CFLAR: variants seen among roughly 807,000 people sequenced by gnomAD.
The protein encoded by CFLAR is CASP8 and FADD like apoptosis regulator, also known as CASP8 and FADD-like apoptosis regulator.
In CFLAR, 14 loss-of-function variants were observed where a neutral mutation model predicts 51.1. That is an observed-to-expected ratio of 0.27 (90% CI 0.18 to 0.43). The LOEUF is 0.43. Among genes scored for constraint, CFLAR ranks in the 20% least tolerant of loss-of-function variants. CFLAR has a pLI of 1.00. For missense variants in CFLAR, 390 were observed against 566.5 expected (o/e 0.69, Z 3.16); for synonymous variants, 210 against 211.6 (o/e 0.99, Z 0.06).
chr2:201,166,083 T>C lies in CFLAR; in HGVS notation c.*2110T>C. On this transcript the variant is annotated 3_prime_UTR_variant, in exon 10 of 10. Transcript: ENST00000309955. ...CATCGTCATCATGGCCTGTTCTCAA[T>C]GAGCTGTTGGGTACACCTCCCAGAC... 5.3e-6 allele frequency: 1 copy of C among 187,938 alleles called. No individual in the cohort carries two copies. Among genetic ancestry groups the C allele is most frequent in the Non-Finnish European group, 1.1e-5 (1 of 93,620 alleles). The allele number at this position is 187,938 out of a possible 1,614,324, so 11.6% of individuals were successfully genotyped here.
At position 201,135,962 on chromosome 2, in the gene CFLAR, G is replaced by T. The variant is rs754566160; in HGVS notation, c.388-10G>T. On this transcript the variant is annotated splice_polypyrimidine_tract_variant and intron_variant, in intron 3 of 9. Coordinates refer to ENST00000309955, the MANE Select transcript of CFLAR (RefSeq NM_003879.7). Reference sequence around the variant, plus strand: ...TATTGACATTTGTTTTTTGTTGGTGGTTCTCTTAGAGTTTCTTGGACCTTG... The same window carrying T: ...TATTGACATTTGTTTTTTGTTGGTGTTTCTCTTAGAGTTTCTTGGACCTTG... The T allele has an allele frequency of 6.2e-7, 1 of 1,603,190 alleles. No individual in the cohort carries two copies. The highest frequency in any genetic ancestry group is 8.5e-7 in the Non-Finnish European group (1 of 1,176,484).
chr2:201,152,592 C>T (rs899483556), intron 8 of CFLAR, among the ~76,000 whole-genome samples: 6 of 152,192 alleles, frequency 3.9e-5, no homozygotes, highest in African/African-American at 1.2e-4. Flanking sequence ...AGAGTCTGAT[C>T]TCAGACAAGT....
intron 8 of CFLAR, among the ~76,000 whole-genome samples, chr2:201,151,827 G>T (rs73045341): frequency 0.19 from 29,498 of 151,882 alleles, 3,294 homozygotes; most frequent in African/African-American, 0.3. Flanking sequence ...TGGGCCTCTT[G>T]GGGGCGGGGG....
At chr2:201,127,545 A>C (rs1231871353) in intron 1 of CFLAR, among the ~76,000 whole-genome samples, 1 of 152,048 alleles carries the variant, frequency 6.6e-6, no homozygotes, top group African/African-American at 2.4e-5. Flanking sequence ...TTTTATGTTA[A>C]TTTCTTGGCT....
chr2:201,117,723 CA>C lies in CFLAR; in HGVS notation c.-138+1248del, dbSNP rs903370481. Among the ~76,000 whole-genome samples, 6 of 137,266 alleles carry C rather than the reference CA, an allele frequency of 4.4e-5. No individual in the cohort carries two copies. The Admixed American group carries it at 4.4e-4, about 10-fold the overall frequency. 90.1% of individuals were successfully genotyped at this position (137,266 alleles called of 152,430 possible). On this transcript the variant is annotated intron_variant, in intron 1 of 9. Transcript: ENST00000309955. ...ATAACCTTACAAAAGTTTCGTTGAA[CA>C]AAAAACCTGGCTGGAGCTCCAAGAT...
intron 8 of CFLAR, among the ~76,000 whole-genome samples, chr2:201,155,144 A>T (rs1941940772): frequency 6.6e-6 from 1 of 152,218 alleles, no homozygotes; most frequent in Non-Finnish European, 1.5e-5. Context: ...TCTTGTTAGG[A>T]ATATAGAAGC....
In CFLAR at chr2:201,145,422, T is replaced by G. The variant is rs1030795286; in HGVS notation, c.651T>G (p.Leu217=). ...RSKEQRLKEQ[L]GAQQEPVKKS... is the part of the protein sequence containing the mutation. ...AAGAACAAAGACTTAAGGAACAGCT[T>G]GGCGCTCAACGTAAGACCACCTTTT... Residue 217 remains leucine (L), a synonymous_variant, in exon 6 of 10, where the codon CTT becomes CTG. Transcript: ENST00000309955. 1 of 1,605,598 alleles carries G rather than the reference T, an allele frequency of 6.2e-7. No homozygotes were observed. The highest frequency in any genetic ancestry group is 8.5e-7 in the Non-Finnish European group (1 of 1,172,922).
intron 2 of CFLAR, among the ~76,000 whole-genome samples, chr2:201,132,104 A>G (rs1472607394): frequency 6.6e-6 from 1 of 152,148 alleles, no homozygotes; most frequent in Admixed American, 6.6e-5. Context: ...TTCAGTGAAT[A>G]GGGCAATCTC....
At chr2:201,119,092 A>G (rs964931830) in intron 1 of CFLAR, 1 of 152,328 alleles carries the variant, frequency 6.6e-6, no homozygotes, top group African/African-American at 2.4e-5. Flanking sequence ...AATACCAGGA[A>G]TGGACTCTGG....
intron 5 of CFLAR, 122 bp from the exon 6 acceptor site, chr2:201,145,239 AGATAATTTAACTGTTGG>A: frequency 1.8e-6 from 1 of 550,222 alleles, no homozygotes; most frequent in Non-Finnish European, 3.3e-6. Flanking sequence ...GCTATTCTTT[AGATAATTTAACTGTTGG>A]GACGATATTT....
intron 4 of CFLAR, chr2:201,137,851 CTG>C: frequency 1.1e-6 from 1 of 938,998 alleles, no homozygotes. Flanking sequence ...TGCATTCCGT[CTG>C]AGAAGAAGCA....
At chr2:201,158,814 C>A (rs1375526999) in intron 8 of CFLAR, among the ~76,000 whole-genome samples, 2 of 151,556 alleles carry the variant, frequency 1.3e-5, no homozygotes, top group African/African-American at 4.8e-5. Context: ...GTCCTGATAA[C>A]AGCTACCCAG....
At chr2:201,149,463 A>T (rs1310024201) in intron 7 of CFLAR, 1 of 303,400 alleles carries the variant, frequency 3.3e-6, no homozygotes, top group Non-Finnish European at 6.2e-6. Flanking sequence ...CAAATCACTC[A>T]TGTTTTCTCT....
intron 5 of CFLAR, chr2:201,141,384 C>A: frequency 6.4e-7 from 1 of 1,558,634 alleles, no homozygotes; most frequent in South Asian, 1.2e-5. Context: ...ATGATAACAC[C>A]CTATGCCCAT....
Position 201,139,171 on chromosome 2 carries a change from C to T in CFLAR, c.524-1186C>T, listed in dbSNP as rs187033874. 1,003 of 374,988 alleles carry T rather than the reference C, an allele frequency of 2.7e-3. 3 individuals are homozygous for T. Among genetic ancestry groups the T allele is most frequent in the Admixed American group, 5.6e-3 (150 of 26,762 alleles). The allele number at this position is 374,988 out of a possible 1,614,324, so 23.2% of individuals were successfully genotyped here. On this transcript the variant is annotated intron_variant, in intron 4 of 9. Transcript: ENST00000309955. ...CTCCCTGAAACATGTGCTATGTCAA[C>T]TCAGGGTTAAGTGGATTAAGGGCTG...
In CFLAR at chr2:201,166,031, T is replaced by A. The variant is rs1436923952; in HGVS notation, c.*2058T>A. ...GATTTCTCTATCTTTTCCCCACCTT[T>A]CCCCCTTTTCTATTCCACAAAACCG... On this transcript the variant is annotated 3_prime_UTR_variant, in exon 10 of 10. Transcript: ENST00000309955. The A allele has an allele frequency of 5.1e-6, 1 of 195,046 alleles. No homozygotes were observed. The highest frequency in any genetic ancestry group is 1.0e-5 in the Non-Finnish European group (1 of 98,460). The allele number at this position is 195,046 out of a possible 1,614,324, so 12.1% of individuals were successfully genotyped here.
At position 201,149,745 on chromosome 2, in the gene CFLAR, C is replaced by T. The variant is rs143425868; in HGVS notation, c.712-9C>T. On this transcript the variant is annotated splice_polypyrimidine_tract_variant and intron_variant, in intron 7 of 9. Coordinates refer to ENST00000309955, the MANE Select transcript of CFLAR (RefSeq NM_003879.7). ...CAGAGTCTTTAGCATTTCTTGTCTT[C>T]CTTTCCAGAGCATACCTGAAGAGAG... 1.4e-5 allele frequency: 23 copies of T among 1,606,606 alleles called. No homozygotes were observed. The East Asian group carries it at 5.1e-4, about 36-fold the overall frequency.
chr2:201,160,846 G>T lies in CFLAR; in HGVS notation c.1208G>T (p.Trp403Leu), dbSNP rs776173838. The change falls in exon 9 of 10, where the codon TGG (tryptophan) becomes TTG (leucine). Residue 403 changes from tryptophan (W) to leucine (L), a missense_variant. This residue lies in a region of CFLAR where 287 missense variants were observed against 363.6 expected (regional missense o/e 0.79). Transcript: ENST00000309955. The part of the protein sequence containing the change: ...CTVHREADFF[W>L]SLCTADMSLL... Reference sequence around the variant, plus strand: ...GTTCACCGAGAAGCTGACTTCTTCTGGAGCCTGTGTACTGCGGACATGTCC... The same window carrying T: ...GTTCACCGAGAAGCTGACTTCTTCTTGAGCCTGTGTACTGCGGACATGTCC... The T allele has an allele frequency of 5.0e-6, 8 of 1,613,646 alleles. No individual in the cohort carries two copies. Among genetic ancestry groups the T allele is most frequent in the Non-Finnish European group, 6.8e-6 (8 of 1,179,788 alleles).
At position 201,164,169 on chromosome 2, in the gene CFLAR, G is replaced by C. The variant is rs1055834064; in HGVS notation, c.*196G>C. On this transcript the variant is annotated 3_prime_UTR_variant, in exon 10 of 10. Coordinates refer to ENST00000309955, the MANE Select transcript of CFLAR (RefSeq NM_003879.7). ...ATTCCCAGTTACTTGGGAGGCTGAG[G>C]TGGGAGGATCTTTTGAACCCAGGAG... 1.6e-5 allele frequency: 7 copies of C among 434,508 alleles called. No individual in the cohort carries two copies. Among genetic ancestry groups the C allele is most frequent in the Non-Finnish European group, 2.5e-5 (6 of 242,234 alleles). The allele number at this position is 434,508 out of a possible 1,614,324, so 26.9% of individuals were successfully genotyped here.
Sources: allele counts gnomAD v4.1 joint callset (sites outside exome capture counted in the v4.1 genomes callset), GRCh38; gene constraint gnomAD v4.1.1; regional missense constraint gnomAD v4.1.1; transcripts MANE v1.5; gene names NCBI Gene and HGNC (gene_info 2026-07-23, HGNC 2026-07-21).